Variants in SLC4A10 observed in about 807,000 individuals in gnomAD.
SLC4A10 encodes the protein solute carrier family 4 member 10.
A neutral mutation model predicts 137.7 loss-of-function variants in SLC4A10; 42 were observed. That is an observed-to-expected ratio of 0.30 (90% CI 0.24 to 0.39). The LOEUF (loss-of-function observed/expected upper bound fraction) is 0.39, where lower values mean the gene tolerates loss of function less well. Among genes scored for constraint, SLC4A10 ranks in the 10% least tolerant of loss-of-function variants. SLC4A10 has a pLI of 1.00. For synonymous variants in SLC4A10, 474 were observed against 464.1 expected, an observed-to-expected ratio of 1.02 and a Z score of -0.27; for missense variants, 925 against 1,355.0, an observed-to-expected ratio of 0.68 and a Z score of 4.98.
chr2:161,698,424 C>T (rs1225450024), intron 1 of SLC4A10, among the ~76,000 whole-genome samples: 2 of 152,148 alleles, frequency 1.3e-5, no homozygotes, highest in African/African-American at 4.8e-5. Flanking sequence ...GCCCATTCAG[C>T]ATGATATTGG....
chr2:161,629,564 C>G (rs952880142), intron 1 of SLC4A10, among the ~76,000 whole-genome samples: 1 of 151,742 alleles, frequency 6.6e-6, no homozygotes. Context: ...ACATTATCAC[C>G]CAAAGTCCAC....
intron 2 of SLC4A10, among the ~76,000 whole-genome samples, chr2:161,781,060 G>T (rs952504665): frequency 6.6e-6 from 1 of 152,056 alleles, no homozygotes; most frequent in African/African-American, 2.4e-5. Context: ...ACCAAGGGAA[G>T]TGAGAAGCAG....
intron 3 of SLC4A10, among the ~76,000 whole-genome samples, chr2:161,817,183 G>A (rs1374781026): frequency 6.6e-6 from 1 of 152,206 alleles, no homozygotes; most frequent in East Asian, 1.9e-4. Flanking sequence ...TAAGTGGTAT[G>A]AGATGGTATC....
rs1283303387 is a variant in SLC4A10 at position 161,964,145 on chromosome 2, G to A, written c.2873G>A (p.Arg958Lys). 2 of 1,607,554 alleles carry A rather than the reference G, an allele frequency of 1.2e-6. No homozygotes were observed. The highest frequency in any genetic ancestry group is 8.5e-7 in the Non-Finnish European group (1 of 1,176,598). The change falls in exon 22 of 27, where the codon AGG (arginine) becomes AAG (lysine). Residue 958 changes from arginine to lysine, a missense_variant. Physicochemically the swap from Arg to Lys is conservative, Grantham distance 26 (BLOSUM62 2). Transcript: ENST00000446997. ...SSLKGIQFFDRIKLFWMPAKH... is the reference protein window; with the variant it reads ...SSLKGIQFFDKIKLFWMPAKH... The stretch of plus-strand genomic sequence containing the variant: ...TGTTTAATCTTTTAGTTCTTTGATA[G>A]GATAAAGCTCTTCTGGATGCCGGCA...
chr2:161,974,211 T>C (rs956529970), intron 23 of SLC4A10, 38 bp from the exon 24 acceptor site: 27 of 1,512,740 alleles, frequency 1.8e-5, no homozygotes, highest in South Asian at 1.2e-4. Flanking sequence ...TGGAGACTCA[T>C]CAGGTTCACT....
rs555888866 is a variant in SLC4A10, at chr2:161,798,929, A to G, written c.131-5520A>G. ...TCTAGATAAGGTTTTACAAGACAGA[A>G]GAAAAGAATCAATTCATTTTTAGTT... On this transcript the variant is annotated intron_variant, in intron 2 of 26. Transcript: ENST00000446997. Among the ~76,000 whole-genome samples, 7 of 149,576 alleles carry G rather than the reference A, an allele frequency of 4.7e-5. No individual in the cohort carries two copies. The South Asian group carries it at 1.3e-3, about 27-fold the overall frequency.
chr2:161,684,907 A>G (rs974574101), intron 1 of SLC4A10, among the ~76,000 whole-genome samples: 5 of 152,118 alleles, frequency 3.3e-5, no homozygotes, highest in African/African-American at 1.2e-4. Context: ...TCATCTTCCT[A>G]TGTTGCTGAT....
chr2:161,907,304 C>G (rs1458497542), intron 15 of SLC4A10, among the ~76,000 whole-genome samples: 1 of 152,102 alleles, frequency 6.6e-6, no homozygotes, highest in Non-Finnish European at 1.5e-5. Flanking sequence ...AGAAAACAGG[C>G]AAATGGGAAG....
intron 1 of SLC4A10, among the ~76,000 whole-genome samples, chr2:161,699,804 G>A (rs2124995333): frequency 6.6e-6 from 1 of 152,208 alleles, no homozygotes; most frequent in South Asian, 2.1e-4. Context: ...TGGAGATGAA[G>A]GAGAGAGGCC....
At chr2:161,674,788 T>C (rs973991096) in intron 1 of SLC4A10, among the ~76,000 whole-genome samples, 12 of 152,160 alleles carry the variant, frequency 7.9e-5, no homozygotes, top group African/African-American at 2.9e-4. Flanking sequence ...GTCTCATGTC[T>C]TGAGGATATA....
chr2:161,959,622 G>T (rs1214202422), intron 21 of SLC4A10, among the ~76,000 whole-genome samples: 1 of 152,326 alleles, frequency 6.6e-6, no homozygotes, highest in South Asian at 2.1e-4. Flanking sequence ...GAGAGAGAGA[G>T]ATAGAGGAGA....
At chr2:161,752,444 TG>T (rs1409683975) in intron 1 of SLC4A10, among the ~76,000 whole-genome samples, 1 of 152,046 alleles carries the variant, frequency 6.6e-6, no homozygotes, top group Non-Finnish European at 1.5e-5. Context: ...ACTAAACGCA[TG>T]GGCCTCTGTT....
chr2:161,661,113 T>C (rs1292005619), intron 1 of SLC4A10, among the ~76,000 whole-genome samples: 2 of 152,200 alleles, frequency 1.3e-5, no homozygotes, highest in African/African-American at 4.8e-5. Context: ...TATCTGCTGT[T>C]CATTAGGGTC....
chr2:161,839,673 G>T, intron 3 of SLC4A10, 116 bp from the exon 4 acceptor site: 3 of 1,095,336 alleles, frequency 2.7e-6, no homozygotes, highest in South Asian at 1.6e-5. Context: ...AGCAGGGGAG[G>T]TGTGAGCTTG....
chr2:161,786,889 G>GT (rs776314241), intron 2 of SLC4A10, among the ~76,000 whole-genome samples: 22 of 148,238 alleles, frequency 1.5e-4, no homozygotes, highest in Non-Finnish European at 2.7e-4. Flanking sequence ...GACATGTGAA[G>GT]TTTTGTCCCA....
At chr2:161,944,390 A>G (rs1322943203) in intron 16 of SLC4A10, among the ~76,000 whole-genome samples, 1 of 151,804 alleles carries the variant, frequency 6.6e-6, no homozygotes, top group Non-Finnish European at 1.5e-5. Flanking sequence ...TGTGTTTTGT[A>G]TTATGTGAAT....
rs534766887 is a variant in SLC4A10 at position 161,770,691 on chromosome 2, A to AT, written c.49-273dup. Among the ~76,000 whole-genome samples, 82 of 151,058 alleles carry AT rather than the reference A, an allele frequency of 5.4e-4. 1 individual carries two copies. The highest frequency in any genetic ancestry group is 1.5e-3 in the African/African-American group (63 of 41,242). On this transcript the variant is annotated intron_variant, in intron 1 of 26. Transcript: ENST00000446997. ...ATTTTACTAAATTGATAGAATAACT[A>AT]TTTTTTTTTGTTTTTCATCTCACTG...
At chr2:161,863,114 T>A in intron 6 of SLC4A10, 52 bp downstream of exon 6, 1 of 1,448,280 alleles carries the variant, frequency 6.9e-7, no homozygotes, top group South Asian at 1.4e-5. Flanking sequence ...CTCTGACATA[T>A]CAAAGCGCTT....
At chr2:161,897,153 C>T (rs1281524552) in intron 11 of SLC4A10, among the ~76,000 whole-genome samples, 1 of 151,844 alleles carries the variant, frequency 6.6e-6, no homozygotes, top group Non-Finnish European at 1.5e-5. Context: ...TGTTTATGAA[C>T]ATCTAATGTA....
Sources: allele counts gnomAD v4.1 joint callset (sites outside exome capture counted in the v4.1 genomes callset), GRCh38; gene constraint gnomAD v4.1.1; transcripts MANE v1.5; gene names NCBI Gene and HGNC (gene_info 2026-07-23, HGNC 2026-07-21).